RIMBP2: variants seen among roughly 807,000 people sequenced by gnomAD.
RIMBP2 encodes RIMS binding protein 2.
RIMBP2 carries 48 observed loss-of-function variants against 118.6 expected under a neutral mutation model. That is an observed-to-expected ratio of 0.40 (90% CI 0.32 to 0.51). RIMBP2 has a LOEUF of 0.51. RIMBP2 is among the 20% of genes least tolerant of loss of function. The pLI, the probability that RIMBP2 is intolerant of heterozygous loss-of-function variation, is 0.41. For missense variants in RIMBP2, 1,551 were observed against 1,768.3 expected, an observed-to-expected ratio of 0.88 and a Z score of 2.20; for synonymous variants, 762 against 742.9, an observed-to-expected ratio of 1.03 and a Z score of -0.42.
intron 2 of RIMBP2, among the ~76,000 whole-genome samples, chr12:130,529,548 G>A (rs565922291): frequency 1.3e-5 from 2 of 152,280 alleles, no homozygotes; most frequent in South Asian, 2.1e-4. Flanking sequence ...TAGAGGTGAT[G>A]GCCACACAAT....
chr12:130,436,920 T>G lies in RIMBP2; in HGVS notation c.2028A>C (p.Pro676=). Residue 676 remains proline (P), a synonymous_variant, in exon 13 of 23, where the codon CCA becomes CCC. Coordinates refer to ENST00000690449, the MANE Select transcript of RIMBP2 (RefSeq NM_001393629.1). Reference sequence around the variant, plus strand: ...CGGTGGTGGACACCGGGGTGCCCTGTGGCTGTGGCAGGATGCGGCTGGGTG... The same window carrying G: ...CGGTGGTGGACACCGGGGTGCCCTGGGGCTGTGGCAGGATGCGGCTGGGTG... ...SPSPSRILPQ[P]QGTPVSTTVA... is the part of the protein sequence containing the mutation. 1 of 1,603,568 alleles carries G rather than the reference T, an allele frequency of 6.2e-7. No individual in the cohort carries two copies.
intron 12 of RIMBP2, among the ~76,000 whole-genome samples, chr12:130,437,559 T>C (rs1252491406): frequency 6.6e-6 from 1 of 152,222 alleles, no homozygotes; most frequent in African/African-American, 2.4e-5. Context: ...TCCCATCCTC[T>C]GGACCCATTC....
chr12:130,497,903 T>C (rs1566147954), intron 4 of RIMBP2, among the ~76,000 whole-genome samples: 1 of 152,198 alleles, frequency 6.6e-6, no homozygotes, highest in Non-Finnish European at 1.5e-5. Flanking sequence ...GGGAGATCCT[T>C]GTCTGACACC....
At chr12:130,696,935 C>T (rs1213120902) in intron 1 of RIMBP2, among the ~76,000 whole-genome samples, 1 of 152,164 alleles carries the variant, frequency 6.6e-6, no homozygotes, top group Non-Finnish European at 1.5e-5. Context: ...AGCTACAAAT[C>T]ATCTCACGTG....
At chr12:130,649,263 C>A (rs1482088393) in intron 1 of RIMBP2, among the ~76,000 whole-genome samples, 1 of 150,118 alleles carries the variant, frequency 6.7e-6, no homozygotes, top group African/African-American at 2.4e-5. Flanking sequence ...GGGCTTGCTG[C>A]GACGTACGTT....
At chr12:130,708,559 C>T (rs1352759340) in intron 1 of RIMBP2, among the ~76,000 whole-genome samples, 1 of 151,996 alleles carries the variant, frequency 6.6e-6, no homozygotes, top group Non-Finnish European at 1.5e-5. Context: ...TGGTGACACG[C>T]GCCTGCAGTC....
At chr12:130,677,294 C>T (rs148541500) in intron 1 of RIMBP2, among the ~76,000 whole-genome samples, 57 of 152,180 alleles carry the variant, frequency 3.7e-4, no homozygotes, top group Non-Finnish European at 6.0e-4. Context: ...TGACAAGTCA[C>T]GTGAGCATGC....
intron 2 of RIMBP2, among the ~76,000 whole-genome samples, chr12:130,558,863 TAACA>T (rs1293153866): frequency 6.6e-6 from 1 of 152,224 alleles, no homozygotes; most frequent in Admixed American, 6.5e-5. Flanking sequence ...CATTTGCTGT[TAACA>T]AACACTATAT....
In RIMBP2 at chr12:130,582,237, A is replaced by AT. The variant is rs1051332936; in HGVS notation, c.-217+46084dup. On this transcript the variant is annotated intron_variant, in intron 2 of 22. Transcript: ENST00000690449. ...CCCACTAGAAGGCACAGGGGCAGGGATTTTTTTTAATCTGTTTTGTTCACT... is the reference window on the plus strand; with the variant it reads ...CCCACTAGAAGGCACAGGGGCAGGGATTTTTTTTTAATCTGTTTTGTTCACT... Among the ~76,000 whole-genome samples the AT allele has an allele frequency of 5.3e-5, 8 of 152,056 alleles. No homozygotes were observed. In the South Asian group the frequency reaches 6.3e-4, roughly 12 times the overall value.
chr12:130,496,079 T>C (rs973908976), intron 4 of RIMBP2, among the ~76,000 whole-genome samples: 1 of 152,206 alleles, frequency 6.6e-6, no homozygotes, highest in South Asian at 2.1e-4. Context: ...TCCGTGCCTG[T>C]AGCCATGTGA....
rs1406962599 is a variant in RIMBP2, at chr12:130,447,696, C to T, written c.582-2427G>A. Among the ~76,000 whole-genome samples, 4 of 152,062 alleles carry T rather than the reference C, an allele frequency of 2.6e-5. No individual in the cohort carries two copies. Among genetic ancestry groups the T allele is most frequent in the Middle Eastern group, 3.2e-3 (1 of 316 alleles). ...GAGGACCATCTCTCCGTACAGCTGG[C>T]GAAAGGAAGGATGGTGATGAATGTG... On this transcript the variant is annotated intron_variant, in intron 9 of 22. Coordinates refer to ENST00000690449, the MANE Select transcript of RIMBP2 (RefSeq NM_001393629.1). The surrounding 1 kb of genome is among the most constrained non-coding windows in gnomAD (Gnocchi z 4.4).
chr12:130,663,697 G>A (rs2136367298), intron 1 of RIMBP2, among the ~76,000 whole-genome samples: 1 of 151,916 alleles, frequency 6.6e-6, no homozygotes, highest in East Asian at 1.9e-4. Flanking sequence ...AGACGCCTCT[G>A]AGTGGGGTAG....
chr12:130,685,995 C>T (rs150287980), intron 1 of RIMBP2, among the ~76,000 whole-genome samples: 3 of 152,270 alleles, frequency 2.0e-5, no homozygotes, highest in Non-Finnish European at 4.4e-5. Context: ...GCAGATGCAC[C>T]CCAAGGCAGG....
At chr12:130,681,285 AAAT>A (rs142324443) in intron 1 of RIMBP2, among the ~76,000 whole-genome samples, 29,321 of 151,524 alleles carry the variant, frequency 0.19, 2,895 homozygotes, top group Middle Eastern at 0.23. Flanking sequence ...CTCTAAAAAA[AAAT>A]AAAAAATAAA....
At chr12:130,572,465 G>A (rs10848149) in intron 2 of RIMBP2, among the ~76,000 whole-genome samples, 40,698 of 151,802 alleles carry the variant, frequency 0.27, 6,325 homozygotes, top group East Asian at 0.37. Context: ...TGGGCCTGAC[G>A]GTGGACTCAT....
At chr12:130,512,230 G>C (rs953253197) in intron 3 of RIMBP2, among the ~76,000 whole-genome samples, 1 of 152,156 alleles carries the variant, frequency 6.6e-6, no homozygotes, top group African/African-American at 2.4e-5. Flanking sequence ...TGGTGGATGG[G>C]TCCTTGGTTG....
chr12:130,401,312 C>T (rs371091202), intron 21 of RIMBP2, among the ~76,000 whole-genome samples: 7 of 152,036 alleles, frequency 4.6e-5, no homozygotes, highest in Admixed American at 2.0e-4. Flanking sequence ...GACAGGGTTT[C>T]GCCGTGTTGG....
chr12:130,425,081 C>A, intron 15 of RIMBP2: 1 of 381,670 alleles, frequency 2.6e-6, no homozygotes, highest in Non-Finnish European at 4.6e-6. Flanking sequence ...GCAGAGCACA[C>A]GCAGAGCCAG....
chr12:130,409,097 A>G (rs1270660180), intron 19 of RIMBP2, among the ~76,000 whole-genome samples: 1 of 152,182 alleles, frequency 6.6e-6, no homozygotes, highest in East Asian at 1.9e-4. Flanking sequence ...GCATAACAAC[A>G]TACATGTACT....
Sources: allele counts gnomAD v4.1 joint callset (sites outside exome capture counted in the v4.1 genomes callset), GRCh38; gene constraint gnomAD v4.1.1; non-coding constraint Gnocchi (gnomAD v3.1); transcripts MANE v1.5; gene names NCBI Gene and HGNC (gene_info 2026-07-23, HGNC 2026-07-21).